The following CSRNP3 variants were observed in gnomAD, a reference collection of about 807,000 sequenced individuals.
The protein encoded by CSRNP3 is cysteine and serine rich nuclear protein 3, also known as cysteine/serine-rich nuclear protein 3.
A neutral mutation model predicts 48.0 loss-of-function variants in CSRNP3; 12 were observed. That is an observed-to-expected ratio of 0.25 (90% CI 0.16 to 0.41). The LOEUF is 0.41. Ranked by LOEUF, CSRNP3 falls within the 10% of genes least tolerant of loss-of-function variation. CSRNP3 has a pLI of 1.00. For synonymous variants in CSRNP3, 263 were observed against 269.7 expected (o/e 0.98, Z 0.24); for missense variants, 580 against 724.4 (o/e 0.80, Z 2.29).
At chr2:165,529,506 T>C (rs1684784652) in intron 3 of CSRNP3, among the ~76,000 whole-genome samples, 1 of 152,180 alleles carries the variant, frequency 6.6e-6, no homozygotes, top group Admixed American at 6.5e-5. Flanking sequence ...CCACGTGGAA[T>C]TGTGTGTTCA....
intron 5 of CSRNP3, among the ~76,000 whole-genome samples, chr2:165,664,393 TTTAA>T (rs1436212782): frequency 1.3e-5 from 2 of 152,348 alleles, no homozygotes; most frequent in African/African-American, 4.8e-5. Flanking sequence ...ATTTTGCAGC[TTTAA>T]TTGTTAGAAA....
intron 4 of CSRNP3, among the ~76,000 whole-genome samples, chr2:165,609,562 T>C (rs1686100333): frequency 6.6e-6 from 1 of 151,162 alleles, no homozygotes; most frequent in Non-Finnish European, 1.5e-5. Context: ...AAGTACACTG[T>C]CTGCCTTATA....
chr2:165,580,856 T>G (rs1296095846), intron 3 of CSRNP3, among the ~76,000 whole-genome samples: 2 of 134,306 alleles, frequency 1.5e-5, no homozygotes, highest in African/African-American at 5.3e-5. Flanking sequence ...TAGATCCATG[T>G]GTGTTTTGTT....
At chr2:165,669,807 G>A (rs1024997682) in intron 5 of CSRNP3, among the ~76,000 whole-genome samples, 5 of 152,098 alleles carry the variant, frequency 3.3e-5, no homozygotes, top group East Asian at 3.9e-4. Flanking sequence ...ATGTGCATGC[G>A]TGCCCACTCA....
Position 165,480,966 on chromosome 2 carries a change from T to G in CSRNP3, c.-283+11226T>G, listed in dbSNP as rs542442407. 9.9e-5 allele frequency among the ~76,000 whole-genome samples: 15 copies of G among 150,754 alleles called. No homozygotes were observed. The South Asian group carries it at 2.3e-3, about 23-fold the overall frequency. On this transcript the variant is annotated intron_variant, in intron 1 of 6. Transcript: ENST00000651982. ...GAATTCAAAACCAGTCTGGACAACA[T>G]AGTGAGATCCTATGTCTATAAAAAT...
chr2:165,598,763 T>C (rs1189846002), intron 4 of CSRNP3, among the ~76,000 whole-genome samples: 2 of 152,226 alleles, frequency 1.3e-5, no homozygotes, highest in Non-Finnish European at 2.9e-5. Context: ...TTGTATTAAA[T>C]ATAATCTGGC....
intron 4 of CSRNP3, among the ~76,000 whole-genome samples, chr2:165,652,918 G>A (rs991832658): frequency 6.6e-6 from 1 of 152,082 alleles, no homozygotes; most frequent in African/African-American, 2.4e-5. Flanking sequence ...TCTTGACCTT[G>A]CTATAGTAAA....
chr2:165,479,162 A>C (rs1246309960), intron 1 of CSRNP3, among the ~76,000 whole-genome samples: 1 of 152,226 alleles, frequency 6.6e-6, no homozygotes, highest in African/African-American at 2.4e-5. Flanking sequence ...GAATGTTTAT[A>C]AACAATATTT....
At position 165,491,950 on chromosome 2, in the gene CSRNP3, T is replaced by TAAAAAAAA. The variant is rs560385044; in HGVS notation, c.-282-2799_-282-2792dup. ...ATGTACCCTAAAACTTAAAGTATAA[T>TAAAAAAAA]AAAAAAAAAAAAAAAAACAAAGCTA... On this transcript the variant is annotated intron_variant, in intron 1 of 6. Transcript: ENST00000651982. Among the ~76,000 whole-genome samples the TAAAAAAAA allele has an allele frequency of 3.7e-4, 39 of 104,506 alleles. 1 individual carries two copies. Among genetic ancestry groups the TAAAAAAAA allele is most frequent in the Non-Finnish European group, 5.9e-4 (29 of 48,844 alleles). The allele number at this position is 104,506 out of a possible 152,430, so 68.6% of individuals were successfully genotyped here.
intron 3 of CSRNP3, among the ~76,000 whole-genome samples, chr2:165,548,386 T>C (rs1459589743): frequency 6.6e-6 from 1 of 152,082 alleles, no homozygotes; most frequent in African/African-American, 2.4e-5. Flanking sequence ...CTCTCCAAGA[T>C]ACTCTGAGGA....
intron 3 of CSRNP3, among the ~76,000 whole-genome samples, chr2:165,555,869 T>TA (rs140588600): frequency 0.15 from 23,405 of 152,092 alleles, 4,137 homozygotes; most frequent in African/African-American, 0.44. Context: ...TATTGGGGAA[T>TA]AAAAACAATA....
intron 3 of CSRNP3, among the ~76,000 whole-genome samples, chr2:165,551,571 A>G (rs937931026): frequency 6.6e-6 from 1 of 152,210 alleles, no homozygotes; most frequent in Non-Finnish European, 1.5e-5. Flanking sequence ...AGATCTTGCT[A>G]ATAGCTATTC....
rs1024801961 is a variant in CSRNP3, at chr2:165,681,776, C to T, written c.*2023C>T. The stretch of plus-strand genomic sequence containing the variant: ...ATATATATATACACACACACACACA[C>T]ATACACATATATATACACATATATG... On this transcript the variant is annotated 3_prime_UTR_variant, in exon 7 of 7. Coordinates refer to ENST00000651982, the MANE Select transcript of CSRNP3 (RefSeq NM_001172173.2). 1.4e-4 allele frequency: 19 copies of T among 133,142 alleles called. No individual in the cohort carries two copies. The highest frequency in any genetic ancestry group is 3.1e-4 in the African/African-American group (11 of 35,314). The allele number at this position is 133,142 out of a possible 1,614,324, so 8.2% of individuals were successfully genotyped here. A position where few individuals can be genotyped will look rare whatever the true frequency, so the allele number is the denominator to read the frequency against.
At chr2:165,568,895 T>C (rs958514325) in intron 3 of CSRNP3, among the ~76,000 whole-genome samples, 6 of 152,022 alleles carry the variant, frequency 3.9e-5, no homozygotes, top group Non-Finnish European at 8.8e-5. Context: ...ATTACAAAAA[T>C]AATTTTTCTG....
At position 165,660,507 on chromosome 2, in the gene CSRNP3, C is replaced by T. The variant is rs542788543; in HGVS notation, c.408+2487C>T. ...TGGTACTGTGTGCAGTGGTTTTTAA[C>T]AGCTGGAGGACTGACACGCTGTCTG... On this transcript the variant is annotated intron_variant, in intron 5 of 6. Coordinates refer to ENST00000651982, the MANE Select transcript of CSRNP3 (RefSeq NM_001172173.2). Among the ~76,000 whole-genome samples the T allele has an allele frequency of 1.3e-4, 20 of 152,268 alleles. No homozygotes were observed. The South Asian group carries it at 3.7e-3, about 28-fold the overall frequency.
At chr2:165,591,099 T>G (rs1685709604) in intron 3 of CSRNP3, among the ~76,000 whole-genome samples, 1 of 151,946 alleles carries the variant, frequency 6.6e-6, no homozygotes, top group African/African-American at 2.4e-5. Context: ...TAGAGACTTG[T>G]TGAACACTTT....
At position 165,524,006 on chromosome 2, in the gene CSRNP3, G is replaced by A. The variant is rs188940381; in HGVS notation, c.-24+6045G>A. Among the ~76,000 whole-genome samples, 596 of 152,228 alleles carry A rather than the reference G, an allele frequency of 3.9e-3. 2 individuals carry two copies. The highest frequency in any genetic ancestry group is 0.014 in the African/African-American group (572 of 41,524). Reference sequence around the variant, plus strand: ...TAAACTACAGAATTACAAGTTATGCGAAATGTCTATGGGGTGTCAATGTCT... The same window carrying A: ...TAAACTACAGAATTACAAGTTATGCAAAATGTCTATGGGGTGTCAATGTCT... On this transcript the variant is annotated intron_variant, in intron 3 of 6. Coordinates refer to ENST00000651982, the MANE Select transcript of CSRNP3 (RefSeq NM_001172173.2).
At position 165,657,881 on chromosome 2, in the gene CSRNP3, G is replaced by A; in HGVS notation, c.269G>A (p.Ser90Asn). 6.2e-7 allele frequency: 1 copy of A among 1,614,024 alleles called. No individual in the cohort carries two copies. Among genetic ancestry groups the A allele is most frequent in the Non-Finnish European group, 8.5e-7 (1 of 1,179,996 alleles). Residue 90 changes from serine (S) to asparagine (N), a missense_variant, in exon 5 of 7, where the codon AGC (serine) becomes AAC (asparagine). Physicochemically the swap from Ser to Asn is conservative, Grantham distance 46. Transcript: ENST00000651982. ...GFTSVPSQGGSTLGMSSRHNS... is the reference protein window; with the variant it reads ...GFTSVPSQGGNTLGMSSRHNS... ...ACAAGTGTGCCCAGTCAAGGGGGAA[G>A]CACCCTGGGGATGTCCAGCCGCCAT...
intron 3 of CSRNP3, among the ~76,000 whole-genome samples, chr2:165,571,034 A>G (rs893786323): frequency 1.3e-5 from 2 of 151,938 alleles, no homozygotes; most frequent in African/African-American, 2.4e-5. Flanking sequence ...AAAACTTTCA[A>G]TTGACACACA....
Sources: gnomAD v4.1 joint callset for allele counts (sites outside exome capture counted in the v4.1 genomes callset) on GRCh38, gnomAD v4.1.1 for gene constraint, MANE v1.5 for transcripts, NCBI Gene and HGNC (gene_info 2026-07-23, HGNC 2026-07-21) for gene names.